Variants in SPART observed in about 807,000 individuals in gnomAD.
SPART encodes spastic paraplegia 20 (Troyer syndrome).
SPART carries 35 observed loss-of-function variants against 58.7 expected under a neutral mutation model. The ratio of observed to expected loss-of-function variants is 0.60; its 90% confidence interval spans 0.46 to 0.79. The LOEUF is 0.79. Ranked by LOEUF, SPART falls within the 30% of genes least tolerant of loss-of-function variation. The pLI, the probability that SPART is intolerant of heterozygous loss-of-function variation, is 0.00. For missense variants in SPART, 730 were observed against 786.1 expected (o/e 0.93, Z 0.85); for synonymous variants, 284 against 280.7 (o/e 1.01, Z -0.12).
Position 36,314,356 on chromosome 13 carries a change from C to G in SPART, c.1354G>C (p.Gly452Arg), listed in dbSNP as rs770460735. The G allele has an allele frequency of 3.0e-5, 49 of 1,614,128 alleles. No homozygotes were observed. Among genetic ancestry groups the G allele is most frequent in the Non-Finnish European group, 4.0e-5 (47 of 1,180,024 alleles). ...ATCCGCTCTCGGAGTTTAGAAGCAC[C>G]TTTCTGGATTGCCTTACCAGTAATC... ...AEITGKAIQK[G>R]ASKLRERIQP... Residue 452 changes from glycine to arginine, a missense_variant, in exon 6 of 9, where the codon GGT becomes CGT. Coordinates refer to ENST00000438666, the MANE Select transcript of SPART (RefSeq NM_015087.5).
At chr13:36,357,173 C>G (rs977534467) in intron 1 of SPART, among the ~76,000 whole-genome samples, 1 of 152,184 alleles carries the variant, frequency 6.6e-6, no homozygotes, top group Non-Finnish European at 1.5e-5. Flanking sequence ...CCCGCTCTTA[C>G]AACCATGGAT....
At chr13:36,329,300 C>T (rs1883238872) in intron 4 of SPART, 62 bp downstream of exon 4, 3 of 1,573,798 alleles carry the variant, frequency 1.9e-6, no homozygotes, top group Non-Finnish European at 2.6e-6. Context: ...CATATAAATA[C>T]ATGAAACTGG....
Position 36,320,717 on chromosome 13 carries a change from T to G in SPART, c.1288+5858A>C, listed in dbSNP as rs1044905446. ...GTCAGATAACTAAAATACCTCTTAG[T>G]CTAGGTAGACACTTTCACTGGATAG... is the stretch of plus-strand genomic sequence containing the variant. On this transcript the variant is annotated intron_variant, in intron 5 of 8. Transcript: ENST00000438666. 2.0e-5 allele frequency among the ~76,000 whole-genome samples: 3 copies of G among 152,108 alleles called. 1 individual carries two copies. Among genetic ancestry groups the G allele is most frequent in the Admixed American group, 2.0e-4 (3 of 15,270 alleles).
intron 4 of SPART, among the ~76,000 whole-genome samples, chr13:36,327,730 G>A (rs1457186314): frequency 1.3e-5 from 2 of 152,198 alleles, no homozygotes; most frequent in African/African-American, 4.8e-5. Context: ...GCTCATGCCT[G>A]TAATCCCAGC....
intron 5 of SPART, among the ~76,000 whole-genome samples, chr13:36,317,964 A>G (rs1203842107): frequency 6.6e-6 from 1 of 152,160 alleles, no homozygotes; most frequent in Non-Finnish European, 1.5e-5. Flanking sequence ...ATTCTTTTAC[A>G]CATCAGTCCC....
intron 6 of SPART, 90 bp downstream of exon 6, chr13:36,314,137 A>G: frequency 1.6e-6 from 2 of 1,286,242 alleles, no homozygotes; most frequent in Non-Finnish European, 1.1e-6. Context: ...TTGAGATTAA[A>G]CCATCTAAAT....
rs1314290751 is a variant in SPART, at chr13:36,346,364, T to TCGCG, written c.-146_-143dup. ...GGCCGGTCCCGAGGTTCCCAAGGCCTCGCGCGCGCGCTTGCCGTGGCAACC... is the reference window on the plus strand; with the variant it reads ...GGCCGGTCCCGAGGTTCCCAAGGCCTCGCGCGCGCGCGCGCTTGCCGTGGCAACC... On this transcript the variant is annotated 5_prime_UTR_variant, in exon 1 of 9. Transcript: ENST00000438666. The TCGCG allele has an allele frequency of 1.3e-5, 2 of 152,126 alleles. No individual in the cohort carries two copies. The highest frequency in any genetic ancestry group is 6.5e-5 in the Admixed American group (1 of 15,274). The allele number at this position is 152,126 out of a possible 1,614,324, so 9.4% of individuals were successfully genotyped here.
intron 8 of SPART, among the ~76,000 whole-genome samples, chr13:36,309,751 G>A (rs533416037): frequency 1.3e-5 from 2 of 152,226 alleles, no homozygotes; most frequent in South Asian, 4.1e-4. Flanking sequence ...AGGGGAGTGT[G>A]AGCTAAAAGA....
chr13:36,370,037 A>G (rs1886211259), intron 1 of SPART: 1 of 152,238 alleles, frequency 6.6e-6, no homozygotes, highest in Non-Finnish European at 1.5e-5. Flanking sequence ...TATAGAGCAT[A>G]AATAAAACAG....
chr13:36,306,048 A>C (rs753965145), intron 8 of SPART, among the ~76,000 whole-genome samples: 1 of 152,174 alleles, frequency 6.6e-6, no homozygotes, highest in Non-Finnish European at 1.5e-5. Flanking sequence ...TAGTGCCCCT[A>C]AAGGATGATT....
chr13:36,348,857 T>A (rs1329577873), upstream of SPART, among the ~76,000 whole-genome samples: 3 of 152,172 alleles, frequency 2.0e-5, no homozygotes, highest in Non-Finnish European at 2.9e-5. Context: ...CTAAAATTCA[T>A]ACAATCCAGG....
chr13:36,313,323 C>T (rs1222798504), intron 6 of SPART, among the ~76,000 whole-genome samples: 2 of 152,214 alleles, frequency 1.3e-5, no homozygotes, highest in East Asian at 3.9e-4. Flanking sequence ...TTCATGGTCC[C>T]ATAAGATTAT....
intron 1 of SPART, among the ~76,000 whole-genome samples, chr13:36,359,115 T>G (rs1267611130): frequency 1.3e-5 from 2 of 152,194 alleles, no homozygotes; most frequent in Non-Finnish European, 2.9e-5. Context: ...AAGCCCAGGT[T>G]CTCAAAGGTT....
chr13:36,357,578 T>C (rs1271489640), intron 1 of SPART, among the ~76,000 whole-genome samples: 1 of 152,144 alleles, frequency 6.6e-6, no homozygotes, highest in Non-Finnish European at 1.5e-5. Context: ...AAGGAACCTA[T>C]AAGTGGAATG....
intron 1 of SPART, among the ~76,000 whole-genome samples, chr13:36,369,155 A>C (rs1886179492): frequency 6.6e-6 from 1 of 152,170 alleles, no homozygotes; most frequent in South Asian, 2.1e-4. Context: ...TTCACTTTTT[A>C]TAAAACTTTA....
In SPART at chr13:36,315,301, C is replaced by T. The variant is rs539539682; in HGVS notation, c.1289-880G>A. ...AAGAAAAAACATGTAAGAACAGTGT[C>T]CCCTAAGATGGAAGAAGTATTACCC... On this transcript the variant is annotated intron_variant, in intron 5 of 8. Transcript: ENST00000438666. Among the ~76,000 whole-genome samples the T allele has an allele frequency of 2.0e-5, 3 of 152,256 alleles. No individual in the cohort carries two copies. The South Asian group carries it at 6.2e-4, about 32-fold the overall frequency.
At chr13:36,322,223 G>C (rs1260171101) in intron 5 of SPART, among the ~76,000 whole-genome samples, 1 of 152,158 alleles carries the variant, frequency 6.6e-6, no homozygotes, top group Admixed American at 6.5e-5. Context: ...AAATTGGGCG[G>C]ATCACCTGAG....
chr13:36,340,765 T>C (rs1593273834), intron 1 of SPART, among the ~76,000 whole-genome samples: 5 of 152,066 alleles, frequency 3.3e-5, no homozygotes, highest in African/African-American at 2.4e-5. Flanking sequence ...CCTAATGTGA[T>C]TGTAAGCTCT....
intron 1 of SPART, among the ~76,000 whole-genome samples, chr13:36,367,068 C>T (rs115670026): frequency 0.013 from 1,999 of 152,296 alleles, 46 homozygotes; most frequent in African/African-American, 0.046. Context: ...AATCCCCTAA[C>T]AGCAGTTAGT....
Sources: gnomAD v4.1 joint callset for allele counts (sites outside exome capture counted in the v4.1 genomes callset) on GRCh38, gnomAD v4.1.1 for gene constraint, MANE v1.5 for transcripts, NCBI Gene and HGNC (gene_info 2026-07-23, HGNC 2026-07-21) for gene names.